Variants in GTF2I observed in about 807,000 individuals in gnomAD.
The protein encoded by GTF2I is general transcription factor IIi.
Under a neutral mutation model 67.6 loss-of-function variants are expected in GTF2I, and 12 were observed. That is an observed-to-expected ratio of 0.18 (90% CI 0.11 to 0.29). The LOEUF (loss-of-function observed/expected upper bound fraction) is 0.29, where lower values mean the gene tolerates loss of function less well. GTF2I is among the 10% of genes least tolerant of loss of function. The pLI is 1.00. For synonymous variants in GTF2I, 149 were observed against 197.0 expected (o/e 0.76, Z 2.04); for missense variants, 271 against 580.1 (o/e 0.47, Z 5.47).
intron 10 of GTF2I, among the ~76,000 whole-genome samples, chr7:74,715,627 C>T (rs1304157156): frequency 1.3e-5 from 2 of 151,806 alleles, no homozygotes; most frequent in African/African-American, 4.8e-5. Flanking sequence ...AGTCAAATAA[C>T]TTAATGCTCC....
At position 74,674,280 on chromosome 7, in the gene GTF2I, G is replaced by T. The variant is rs587653883; in HGVS notation, c.-5-14844G>T. On this transcript the variant is annotated intron_variant, in intron 1 of 34. Transcript: ENST00000573035. ...AGGGATCTCACTCTATTGCCAAGCT[G>T]GTGTCGAACTCTTGGTCTTAAGCAG... is the stretch of plus-strand genomic sequence containing the variant. Among the ~76,000 whole-genome samples, 34 of 151,968 alleles carry T rather than the reference G, an allele frequency of 2.2e-4. No homozygotes were observed. In the East Asian group the frequency reaches 2.3e-3, roughly 10 times the overall value.
At chr7:74,721,119 G>A (rs782353839) in intron 12 of GTF2I, among the ~76,000 whole-genome samples, 181 of 152,214 alleles carry the variant, frequency 1.2e-3, no homozygotes, top group Non-Finnish European at 1.4e-3. Context: ...TCGGCTCACC[G>A]CAACCTCCGC....
At chr7:74,660,773 C>T (rs1804416864) in intron 1 of GTF2I, among the ~76,000 whole-genome samples, 1 of 151,998 alleles carries the variant, frequency 6.6e-6, no homozygotes, top group Non-Finnish European at 1.5e-5. Flanking sequence ...AGGAGCGCTC[C>T]ACCACGCCCG....
chr7:74,706,301 C>G, intron 7 of GTF2I, 89 bp from the exon 8 acceptor site: 3 of 1,098,704 alleles, frequency 2.7e-6, no homozygotes, highest in South Asian at 1.3e-5. Context: ...AGGGAGGGAT[C>G]TTAACACTTT....
At chr7:74,732,747 C>T in intron 15 of GTF2I, 85 bp downstream of exon 15, 5 of 1,534,916 alleles carry the variant, frequency 3.3e-6, no homozygotes, top group Non-Finnish European at 3.5e-6. Context: ...TCATTCACCA[C>T]TAGGTTCTAT....
chr7:74,719,072 T>C (rs1792607963), intron 12 of GTF2I, 131 bp downstream of exon 12: 1 of 532,908 alleles, frequency 1.9e-6, no homozygotes, highest in Non-Finnish European at 3.3e-6. Context: ...TGTGTCTGTG[T>C]GGCCAAAGCA....
intron 1 of GTF2I, among the ~76,000 whole-genome samples, chr7:74,679,585 C>T (rs587645135): frequency 6.6e-6 from 1 of 152,146 alleles, no homozygotes; most frequent in South Asian, 2.1e-4. Context: ...AATTATTTAC[C>T]TTGTGTTGAT....
chr7:74,693,213 G>GGTAAC (rs1178808398), intron 3 of GTF2I, among the ~76,000 whole-genome samples: 1 of 149,558 alleles, frequency 6.7e-6, no homozygotes, highest in East Asian at 1.9e-4. Flanking sequence ...GGTAACTCTT[G>GGTAAC]GCATAGCATT....
rs1554404079 is a variant in GTF2I at position 74,718,889 on chromosome 7, A to T, written c.891A>T (p.Gln297His). ...EMEVPAEDSTQHVPSETSEDP... is the reference protein window; with the variant it reads ...EMEVPAEDSTHHVPSETSEDP... Reference sequence around the variant, plus strand: ...TTTATTTTTTTCAAGATTCTACTCAACATGTCCCTTCAGAAACAAGTGAGG... The same window carrying T: ...TTTATTTTTTTCAAGATTCTACTCATCATGTCCCTTCAGAAACAAGTGAGG... Residue 297 changes from glutamine to histidine, a missense_variant, in exon 12 of 35, where the codon CAA becomes CAT. Coordinates refer to ENST00000573035, the MANE Select transcript of GTF2I (RefSeq NM_032999.4). 1 of 1,546,776 alleles carries T rather than the reference A, an allele frequency of 6.5e-7. No individual in the cohort carries two copies. The highest frequency in any genetic ancestry group is 1.2e-5 in the South Asian group (1 of 84,992).
At chr7:74,713,932 C>T (rs966014141) in intron 9 of GTF2I, among the ~76,000 whole-genome samples, 2 of 152,010 alleles carry the variant, frequency 1.3e-5, no homozygotes, top group Admixed American at 6.6e-5. Context: ...TTCTTTATTT[C>T]TCATGCAATT....
At chr7:74,690,901 T>C in intron 2 of GTF2I, 72 bp from the exon 3 acceptor site, 1 of 1,416,088 alleles carries the variant, frequency 7.1e-7, no homozygotes. Flanking sequence ...TGTTAGTTTT[T>C]TTAATTCATC....
At chr7:74,704,486 G>T (rs1210669758) in intron 6 of GTF2I, among the ~76,000 whole-genome samples, 2 of 151,468 alleles carry the variant, frequency 1.3e-5, no homozygotes, top group African/African-American at 2.4e-5. Flanking sequence ...AGAGACGGGG[G>T]TTCACCATGT....
chr7:74,668,697 C>T (rs11773074), intron 1 of GTF2I, among the ~76,000 whole-genome samples: 1 of 151,834 alleles, frequency 6.6e-6, no homozygotes, highest in Non-Finnish European at 1.5e-5. Context: ...CCTCAGCCAC[C>T]TGAGTAGCTG....
At chr7:74,659,904 A>G (rs1177950618) in intron 1 of GTF2I, among the ~76,000 whole-genome samples, 1 of 152,176 alleles carries the variant, frequency 6.6e-6, no homozygotes, top group Non-Finnish European at 1.5e-5. Flanking sequence ...AGTGCAGAGG[A>G]GAAGTCTCCA....
intron 3 of GTF2I, among the ~76,000 whole-genome samples, chr7:74,696,366 A>G (rs946849357): frequency 6.6e-6 from 1 of 150,742 alleles, no homozygotes; most frequent in Non-Finnish European, 1.5e-5. Flanking sequence ...GAGTCTCACT[A>G]TCGCCCATGG....
intron 3 of GTF2I, among the ~76,000 whole-genome samples, chr7:74,693,721 T>G (rs587650692): frequency 6.6e-6 from 1 of 152,162 alleles, no homozygotes; most frequent in Non-Finnish European, 1.5e-5. Context: ...TGGCGCGTGC[T>G]TGTAGTCCCA....
At chr7:74,730,616 G>A (rs1348843926) in intron 14 of GTF2I, among the ~76,000 whole-genome samples, 1 of 144,600 alleles carries the variant, frequency 6.9e-6, no homozygotes, top group African/African-American at 2.5e-5. Context: ...GATCTTGGGG[G>A]TTTCATTAAA....
At chr7:74,694,150 A>C (rs1220354973) in intron 3 of GTF2I, among the ~76,000 whole-genome samples, 1 of 152,238 alleles carries the variant, frequency 6.6e-6, no homozygotes, top group South Asian at 2.1e-4. Flanking sequence ...TAGAAGATCA[A>C]ACCAGCCACA....
At chr7:74,703,441 A>G (rs1790109103) in intron 6 of GTF2I, among the ~76,000 whole-genome samples, 1 of 145,404 alleles carries the variant, frequency 6.9e-6, no homozygotes, top group Non-Finnish European at 1.5e-5. Flanking sequence ...GTGCGGTGGC[A>G]TGATCTCAGC....
Sources: gnomAD v4.1 joint callset for allele counts (sites outside exome capture counted in the v4.1 genomes callset) on GRCh38, gnomAD v4.1.1 for gene constraint, MANE v1.5 for transcripts, NCBI Gene and HGNC (gene_info 2026-07-23, HGNC 2026-07-21) for gene names.